The following ATP8A2 variants were observed in gnomAD, a reference collection of about 807,000 sequenced individuals.
The protein encoded by ATP8A2 is phospholipid-transporting ATPase IB.
Under a neutral mutation model 165.6 loss-of-function variants are expected in ATP8A2, and 100 were observed. The observed-to-expected ratio is 0.60, with a 90% CI of 0.51 to 0.71. The LOEUF is 0.71. Among genes scored for constraint, ATP8A2 ranks in the 30% least tolerant of loss-of-function variants. ATP8A2 has a pLI of 0.00. For missense variants in ATP8A2, 1,227 were observed against 1,479.5 expected (o/e 0.83, Z 2.80); for synonymous variants, 543 against 548.8 (o/e 0.99, Z 0.15).
chr13:25,621,903 T>C (rs2040978344), intron 24 of ATP8A2, among the ~76,000 whole-genome samples: 1 of 152,156 alleles, frequency 6.6e-6, no homozygotes, highest in Non-Finnish European at 1.5e-5. Context: ...CCAGGCATGG[T>C]GGCTCACACC....
chr13:25,474,288 G>A (rs1184829315), intron 2 of ATP8A2, among the ~76,000 whole-genome samples: 4 of 152,178 alleles, frequency 2.6e-5, no homozygotes, highest in Non-Finnish European at 2.9e-5. Flanking sequence ...AGGGCCAGGC[G>A]CAGTGGCTCG....
chr13:25,575,274 A>T (rs569281565), intron 19 of ATP8A2, among the ~76,000 whole-genome samples: 1 of 152,330 alleles, frequency 6.6e-6, no homozygotes, highest in South Asian at 2.1e-4. Context: ...ATGATGACAG[A>T]TGAGATCAGT....
At chr13:25,669,674 G>C (rs1363319955) in intron 24 of ATP8A2, among the ~76,000 whole-genome samples, 2 of 152,044 alleles carry the variant, frequency 1.3e-5, no homozygotes, top group Non-Finnish European at 2.9e-5. Flanking sequence ...TTTTTGGTCT[G>C]TCCCTTACTA....
chr13:25,988,918 T>C (rs1956326587), intron 35 of ATP8A2, among the ~76,000 whole-genome samples: 1 of 152,198 alleles, frequency 6.6e-6, no homozygotes, highest in Admixed American at 6.5e-5. Flanking sequence ...GGGCAGTGTG[T>C]TTTCCCAGAG....
intron 2 of ATP8A2, among the ~76,000 whole-genome samples, chr13:25,487,645 G>T (rs1264778921): frequency 6.6e-6 from 1 of 152,140 alleles, no homozygotes; most frequent in African/African-American, 2.4e-5. Context: ...ACCAGGTATT[G>T]TCTTGTATTA....
chr13:25,375,341 T>A (rs2032580174), intron 1 of ATP8A2, among the ~76,000 whole-genome samples: 1 of 152,184 alleles, frequency 6.6e-6, no homozygotes, highest in African/African-American at 2.4e-5. Flanking sequence ...CTCAACTCTC[T>A]TCTCTCACCT....
At chr13:25,814,923 G>A (rs1247792906) in intron 27 of ATP8A2, among the ~76,000 whole-genome samples, 2 of 152,080 alleles carry the variant, frequency 1.3e-5, no homozygotes, top group Non-Finnish European at 2.9e-5. Context: ...ATGGGGATGA[G>A]GCGGGTGCTG....
intron 1 of ATP8A2, among the ~76,000 whole-genome samples, chr13:25,389,163 G>A (rs554204487): frequency 5.9e-5 from 9 of 152,266 alleles, no homozygotes; most frequent in Admixed American, 1.3e-4. Flanking sequence ...TTACTTCCAG[G>A]AATTGAAAAT....
intron 2 of ATP8A2, among the ~76,000 whole-genome samples, chr13:25,474,223 G>C (rs1320298892): frequency 1.3e-5 from 2 of 152,154 alleles, no homozygotes; most frequent in Non-Finnish European, 2.9e-5. Flanking sequence ...ACAAATTTTT[G>C]GTAAGTTTTT....
intron 1 of ATP8A2, among the ~76,000 whole-genome samples, chr13:25,391,924 A>G (rs2033262688): frequency 6.6e-6 from 1 of 152,268 alleles, no homozygotes; most frequent in Non-Finnish European, 1.5e-5. Flanking sequence ...GCCAACAGGC[A>G]TCTATCACAC....
chr13:25,462,274 T>C (rs2035524726), intron 1 of ATP8A2, among the ~76,000 whole-genome samples: 1 of 152,166 alleles, frequency 6.6e-6, no homozygotes, highest in African/African-American at 2.4e-5. Context: ...CTCTAGATGA[T>C]TGTCCATGCT....
intron 33 of ATP8A2, among the ~76,000 whole-genome samples, chr13:25,921,061 T>G (rs306413): frequency 0.14 from 20,972 of 151,940 alleles, 1,848 homozygotes; most frequent in African/African-American, 0.25. Context: ...CAGGGTGAGA[T>G]TCTGTCTCAA....
intron 24 of ATP8A2, among the ~76,000 whole-genome samples, chr13:25,656,249 A>T (rs2041924193): frequency 6.6e-6 from 1 of 151,144 alleles, no homozygotes; most frequent in African/African-American, 2.4e-5. Context: ...GTGATTCCCT[A>T]GTGAATCACA....
chr13:25,618,380 C>T (rs754695684), intron 24 of ATP8A2, among the ~76,000 whole-genome samples: 5 of 152,030 alleles, frequency 3.3e-5, no homozygotes, highest in Non-Finnish European at 1.5e-5. Context: ...GTTGTTCATG[C>T]CGGGTGTTGT....
chr13:25,390,225 C>T (rs1277046623), intron 1 of ATP8A2, among the ~76,000 whole-genome samples: 1 of 152,138 alleles, frequency 6.6e-6, no homozygotes, highest in African/African-American at 2.4e-5. Context: ...AACTCCTGAC[C>T]TCAAGTGATC....
chr13:25,677,687 G>A (rs572443577), intron 24 of ATP8A2, among the ~76,000 whole-genome samples: 9 of 152,236 alleles, frequency 5.9e-5, no homozygotes, highest in African/African-American at 1.9e-4. Context: ...AGAGATAGGT[G>A]GCCTGTATTC....
intron 24 of ATP8A2, among the ~76,000 whole-genome samples, chr13:25,621,701 A>G (rs2040973679): frequency 6.6e-6 from 1 of 152,184 alleles, no homozygotes; most frequent in Non-Finnish European, 1.5e-5. Context: ...TAGCTCTGTT[A>G]TCCTCTTTAG....
At chr13:25,379,443 A>C (rs1006074345) in intron 1 of ATP8A2, among the ~76,000 whole-genome samples, 2 of 152,216 alleles carry the variant, frequency 1.3e-5, no homozygotes, top group Admixed American at 1.3e-4. Context: ...TGATATGTTA[A>C]TATCGGGGAG....
At chr13:25,424,110 T>A (rs1010074723) in intron 1 of ATP8A2, among the ~76,000 whole-genome samples, 1 of 152,270 alleles carries the variant, frequency 6.6e-6, no homozygotes, top group Non-Finnish European at 1.5e-5. Context: ...GAAATAGAGC[T>A]GAGAAGGGGA....
Sources: allele counts gnomAD v4.1 joint callset (sites outside exome capture counted in the v4.1 genomes callset), GRCh38; gene constraint gnomAD v4.1.1; transcripts MANE v1.5; gene names NCBI Gene and HGNC (gene_info 2026-07-23, HGNC 2026-07-21).